SLC25A53: variants seen among roughly 807,000 people sequenced by gnomAD.
The protein encoded by SLC25A53 is solute carrier family 25 member 53.
SLC25A53 carries 5 observed loss-of-function variants against 15.0 expected under a neutral mutation model. The ratio of observed to expected loss-of-function variants is 0.33; its 90% CI spans 0.17 to 0.70. SLC25A53 has a LOEUF of 0.70. SLC25A53 is among the 30% of genes least tolerant of loss of function. The probability of loss-of-function intolerance (pLI) is 0.67; values close to 1 mark genes in which losing one functional copy is unlikely to be tolerated. For missense variants in SLC25A53, 216 were observed against 241.6 expected (o/e 0.89, Z 0.70); for synonymous variants, 95 against 100.0 (o/e 0.95, Z 0.30).
chrX:104,120,301 A>G (rs1556362436), intron 1 of SLC25A53, among the ~76,000 whole-genome samples: 1 of 111,740 alleles, frequency 8.9e-6, no homozygotes, highest in Non-Finnish European at 1.9e-5. Flanking sequence ...CTGTATATCA[A>G]AGTTGTACCA....
At chrX:104,147,762 C>T (rs1247655820) in intron 1 of SLC25A53, among the ~76,000 whole-genome samples, 1 of 111,290 alleles carries the variant, frequency 9.0e-6, no homozygotes, top group East Asian at 2.8e-4. Context: ...TACTATCTCA[C>T]ACCAGTTAGA....
At position 104,104,896 on chromosome X, in the gene SLC25A53, C is replaced by G; in HGVS notation, c.362G>C (p.Gly121Ala). ...GGCCTCCACCACGCCAGACATGAGCCCGGCAGCCCAGCGGTGTCCCAGGGT... is the reference window on the plus strand; with the variant it reads ...GGCCTCCACCACGCCAGACATGAGCGCGGCAGCCCAGCGGTGTCCCAGGGT... ...PHTLGHRWAA[G>A]LMSGVVEAVA... Residue 121 changes from glycine to alanine, a missense_variant, in exon 2 of 2, where the codon GGG becomes GCG. Gly to Ala is a moderately conservative substitution (Grantham distance 60, BLOSUM62 0). Coordinates refer to ENST00000594199, the MANE Select transcript of SLC25A53 (RefSeq NM_001012755.5). The G allele has an allele frequency of 8.3e-7, 1 of 1,211,816 alleles. No individual in the cohort carries two copies. The highest frequency in any genetic ancestry group is 1.7e-5 in the African/African-American group (1 of 57,749).
At chrX:104,130,403 A>G (rs2075422843) in intron 1 of SLC25A53, among the ~76,000 whole-genome samples, 1 of 111,593 alleles carries the variant, frequency 9.0e-6, no homozygotes, top group African/African-American at 3.3e-5. Context: ...GTGGATTCCA[A>G]TCACTTAACT....
At chrX:104,110,481 G>A (rs1415991712) in intron 1 of SLC25A53, among the ~76,000 whole-genome samples, 4 of 112,003 alleles carry the variant, frequency 3.6e-5, no homozygotes, top group Admixed American at 9.4e-5. Flanking sequence ...ATAAGAGGGC[G>A]GAAAGGAGCA....
rs1556352957 is a variant in SLC25A53, at chrX:104,102,290, T to C, written c.*2044A>G. The C allele has an allele frequency of 1.8e-5, 2 of 112,044 alleles. No homozygotes were observed. Among genetic ancestry groups the C allele is most frequent in the Admixed American group, 9.5e-5 (1 of 10,561 alleles). 9.2% of individuals were successfully genotyped at this position (112,044 alleles called of 1,213,427 possible). On this transcript the variant is annotated 3_prime_UTR_variant, in exon 2 of 2. Coordinates refer to ENST00000594199, the MANE Select transcript of SLC25A53 (RefSeq NM_001012755.5). The stretch of plus-strand genomic sequence containing the variant: ...GAGGAGGGCATTACTAAGATATCTG[T>C]AGGGGGAAACTATAACACATGTCAT...
intron 1 of SLC25A53, among the ~76,000 whole-genome samples, chrX:104,131,590 C>T (rs782540900): frequency 9.0e-6 from 1 of 111,348 alleles, no homozygotes; most frequent in South Asian, 3.8e-4. Context: ...CCACTAAATT[C>T]CTTCTTGAAA....
chrX:104,155,989 T>A (rs1321787168), intron 1 of SLC25A53, among the ~76,000 whole-genome samples: 2 of 103,692 alleles, frequency 1.9e-5, no homozygotes, highest in Non-Finnish European at 3.9e-5. Flanking sequence ...CAGACGGAGG[T>A]TGCAGTGAGC....
At chrX:104,107,371 C>T (rs2075317049) in intron 1 of SLC25A53, among the ~76,000 whole-genome samples, 1 of 111,872 alleles carries the variant, frequency 8.9e-6, no homozygotes, top group Non-Finnish European at 1.9e-5. Flanking sequence ...GACCCCTCTG[C>T]CTCTGACCCT....
chrX:104,142,940 A>G (rs954381742), intron 1 of SLC25A53, among the ~76,000 whole-genome samples: 5 of 108,032 alleles, frequency 4.6e-5, no homozygotes, highest in African/African-American at 1.3e-4. Context: ...AAAAAAAAAA[A>G]GAAGGCGGGT....
In SLC25A53 at chrX:104,101,636, C is replaced by T; in HGVS notation, c.*2698G>A. The T allele has an allele frequency of 8.9e-6, 1 of 112,246 alleles. No individual in the cohort carries two copies. Among genetic ancestry groups the T allele is most frequent in the Middle Eastern group, 4.6e-3 (1 of 217 alleles). The allele number at this position is 112,246 out of a possible 1,213,427, so 9.3% of individuals were successfully genotyped here. On this transcript the variant is annotated 3_prime_UTR_variant, in exon 2 of 2. Coordinates refer to ENST00000594199, the MANE Select transcript of SLC25A53 (RefSeq NM_001012755.5). ...TTATTATATTCTGTAATAACTGTCC[C>T]ATTGTCAGAGATAAAACACGGTCTC...
intron 1 of SLC25A53, among the ~76,000 whole-genome samples, chrX:104,139,454 T>G (rs1322987885): frequency 1.1e-4 from 12 of 110,467 alleles, no homozygotes; most frequent in African/African-American, 3.3e-4. Flanking sequence ...GAGGTGGAGG[T>G]TGCAGTGAGC....
At chrX:104,109,634 A>C (rs1317595775) in intron 1 of SLC25A53, among the ~76,000 whole-genome samples, 16 of 112,183 alleles carry the variant, frequency 1.4e-4, no homozygotes, top group African/African-American at 5.2e-4. Flanking sequence ...GCAGCAAAGA[A>C]GAGTTTTCAT....
At chrX:104,121,519 T>C (rs2075392744) in intron 1 of SLC25A53, among the ~76,000 whole-genome samples, 1 of 111,038 alleles carries the variant, frequency 9.0e-6, no homozygotes, top group Non-Finnish European at 1.9e-5. Flanking sequence ...CACATCCTAC[T>C]TTAGTAGCTC....
intron 1 of SLC25A53, among the ~76,000 whole-genome samples, chrX:104,132,118 G>A (rs1377041969): frequency 8.9e-6 from 1 of 112,345 alleles, no homozygotes; most frequent in Non-Finnish European, 1.9e-5. Context: ...CTAGATGGGG[G>A]TCTCAGTTCA....
intron 1 of SLC25A53, among the ~76,000 whole-genome samples, chrX:104,152,739 G>C (rs2075488877): frequency 1.8e-5 from 2 of 111,865 alleles, no homozygotes; most frequent in African/African-American, 6.5e-5. Context: ...CGCCCAGCCT[G>C]AGAACAGATT....
chrX:104,140,322 C>CGT (rs55930796), intron 1 of SLC25A53, among the ~76,000 whole-genome samples: 264 of 100,166 alleles, frequency 2.6e-3, no homozygotes, highest in Middle Eastern at 0.015. Flanking sequence ...GACAGGATTC[C>CGT]GTGTGTGTGT....
At chrX:104,136,867 A>C (rs181302935) in intron 1 of SLC25A53, among the ~76,000 whole-genome samples, 1 of 112,281 alleles carries the variant, frequency 8.9e-6, no homozygotes, top group Admixed American at 9.5e-5. Flanking sequence ...CGTACCTAGA[A>C]CAGACAGGCA....
At chrX:104,106,397 A>C (rs2075310316) in intron 1 of SLC25A53, among the ~76,000 whole-genome samples, 1 of 111,541 alleles carries the variant, frequency 9.0e-6, no homozygotes, top group African/African-American at 3.3e-5. Flanking sequence ...TGCAGAAGCC[A>C]GAGCTGCCAC....
chrX:104,139,969 A>G (rs2075446855), intron 1 of SLC25A53, among the ~76,000 whole-genome samples: 1 of 113,310 alleles, frequency 8.8e-6, no homozygotes, highest in Admixed American at 9.3e-5. Flanking sequence ...AAGCAGGTAG[A>G]TATTCCCATT....
Sources: gnomAD v4.1 joint callset for allele counts (sites outside exome capture counted in the v4.1 genomes callset) on GRCh38, gnomAD v4.1.1 for gene constraint, MANE v1.5 for transcripts, NCBI Gene and HGNC (gene_info 2026-07-23, HGNC 2026-07-21) for gene names.